The following UBR4 variants were observed in gnomAD, a reference collection of about 807,000 sequenced individuals.
UBR4 encodes E3 ubiquitin-protein ligase UBR4.
Under a neutral mutation model 575.6 loss-of-function variants are expected in UBR4, and 124 were observed. The observed-to-expected ratio is 0.22, with a 90% CI of 0.19 to 0.25. UBR4 has a LOEUF of 0.25. Ranked by LOEUF, UBR4 falls within the 10% of genes least tolerant of loss-of-function variation. The probability of loss-of-function intolerance (pLI) is 1.00; values close to 1 mark genes in which losing one functional copy is unlikely to be tolerated. For missense variants in UBR4, 4,818 were observed against 6,478.8 expected, an observed-to-expected ratio of 0.74 and a Z score of 8.80; for synonymous variants, 2,455 against 2,473.7, an observed-to-expected ratio of 0.99 and a Z score of 0.22.
Position 19,095,999 on chromosome 1 carries a change from G to A in UBR4, c.13519-347C>T, listed in dbSNP as rs961351986. ...AGTAAAGAAAATGATCCCAAAGCTC[G>A]TGGCCTGTGAGAGCTCAGAACCACA... On this transcript the variant is annotated intron_variant, in intron 92 of 105. Transcript: ENST00000375254. The A allele has an allele frequency of 6.0e-5, 15 of 250,124 alleles. No individual in the cohort carries two copies. The East Asian group carries it at 6.3e-4, about 11-fold the overall frequency. The allele number at this position is 250,124 out of a possible 1,614,324, so 15.5% of individuals were successfully genotyped here.
Position 19,186,582 on chromosome 1 carries a change from A to G in UBR4, c.1708T>C (p.Tyr570His). ...ASASTDSNTY[Y>H]EDDFSSTEED... ...TCCGTGCTACTGAAATCGTCCTCATAGTAAGTATTGGAGTCGGTGGAGGCG... is the reference window on the plus strand; with the variant it reads ...TCCGTGCTACTGAAATCGTCCTCATGGTAAGTATTGGAGTCGGTGGAGGCG... The change falls in exon 14 of 106, where the codon TAT becomes CAT. Residue 570 changes from tyrosine (Y) to histidine (H), a missense_variant. Physicochemically the swap from Tyr to His is moderately conservative, Grantham distance 83 (BLOSUM62 2). This residue lies in a region of UBR4 where 162 missense variants were observed against 216.4 expected (regional missense o/e 0.75). Transcript: ENST00000375254. 1.2e-6 allele frequency: 2 copies of G among 1,614,058 alleles called. No individual in the cohort carries two copies. The highest frequency in any genetic ancestry group is 2.2e-5 in the South Asian group (2 of 91,076).
rs2088077419 is a variant in UBR4 at position 19,164,990 on chromosome 1, C to A, written c.4320G>T (p.Lys1440Asn). The A allele has an allele frequency of 6.2e-7, 1 of 1,613,724 alleles. No homozygotes were observed. The highest frequency in any genetic ancestry group is 1.3e-5 in the African/African-American group (1 of 74,860). The change falls in exon 32 of 106, where the codon AAG becomes AAT. Residue 1440 changes from lysine to asparagine, a missense_variant. By Grantham distance (94) the Lys-to-Asn change is moderately conservative (BLOSUM62 0). Transcript: ENST00000375254. The part of the protein sequence containing the change: ...FFTKLFQLTE[K>N]SPNPSLLHLC... ...GATGCAACAGGCTCGGGTTAGGGCT[C>A]TTCTCAGCTAGGAGCAGAACAAGAG...
Position 19,165,313 on chromosome 1 carries a change from A to G in UBR4, c.4248T>C (p.Asn1416=), listed in dbSNP as rs540912713. ...TACAGAATTTAGCAGAGAGGTTCTCATTGGCTGTTGCCATCATGATCTGTA... is the reference window on the plus strand; with the variant it reads ...TACAGAATTTAGCAGAGAGGTTCTCGTTGGCTGTTGCCATCATGATCTGTA... ...ELVQIMMATA[N]ENLSAKFCNR... The change falls in exon 31 of 106, where the codon AAT becomes AAC. Residue 1416 remains asparagine (N), a synonymous_variant. Coordinates refer to ENST00000375254, the MANE Select transcript of UBR4 (RefSeq NM_020765.3). The G allele has an allele frequency of 1.9e-6, 3 of 1,614,216 alleles. No individual in the cohort carries two copies. In the African/African-American group the frequency reaches 4.0e-5, roughly 22 times the overall value.
intron 1 of UBR4, among the ~76,000 whole-genome samples, chr1:19,204,629 C>T (rs1252048645): frequency 6.6e-6 from 1 of 151,938 alleles, no homozygotes; most frequent in Admixed American, 6.6e-5. Flanking sequence ...CCTAGAAATA[C>T]GTAACATCCT....
Position 19,119,894 on chromosome 1 carries a change from T to C in UBR4, c.10311-193A>G, listed in dbSNP as rs2296104. Among the ~76,000 whole-genome samples the C allele has an allele frequency of 0.67, 102,273 of 152,088 alleles. 35,255 individuals carry two copies. Among genetic ancestry groups the C allele is most frequent in the East Asian group, 0.81 (4,197 of 5,184 alleles). ...CTGCCTCTACCCATCACCCAACATA[T>C]CCCAGAGCAGAAGCTGAGCTTTTTT... On this transcript the variant is annotated intron_variant, in intron 69 of 105. Coordinates refer to ENST00000375254, the MANE Select transcript of UBR4 (RefSeq NM_020765.3).
chr1:19,194,604 C>A (rs2092335125), intron 8 of UBR4, among the ~76,000 whole-genome samples: 1 of 151,874 alleles, frequency 6.6e-6, no homozygotes, highest in Non-Finnish European at 1.5e-5. Context: ...GAGTCTGAGA[C>A]CAGCCTCGCC....
rs140628130 is a variant in UBR4, at chr1:19,186,581, T to A, written c.1709A>T (p.Tyr570Phe). The change falls in exon 14 of 106, where the codon TAT becomes TTT. Residue 570 changes from tyrosine to phenylalanine, a missense_variant. Transcript: ENST00000375254. ...ASASTDSNTY[Y>F]EDDFSSTEED... ...CTCCGTGCTACTGAAATCGTCCTCA[T>A]AGTAAGTATTGGAGTCGGTGGAGGC... 5.8e-5 allele frequency: 94 copies of A among 1,613,972 alleles called. No individual in the cohort carries two copies. Among genetic ancestry groups the A allele is most frequent in the Non-Finnish European group, 7.7e-5 (91 of 1,179,994 alleles).
intron 42 of UBR4, 48 bp downstream of exon 42, chr1:19,156,223 A>G (rs780906625): frequency 1.8e-5 from 28 of 1,598,982 alleles, no homozygotes; most frequent in Admixed American, 1.4e-4. Flanking sequence ...TCTGGATTTA[A>G]AAGTAGAAAA....
At chr1:19,147,161 A>G (rs987154536) in intron 51 of UBR4, among the ~76,000 whole-genome samples, 161 bp from the exon 52 acceptor site, 2 of 152,236 alleles carry the variant, frequency 1.3e-5, no homozygotes, top group Admixed American at 1.3e-4. Flanking sequence ...AAGCAGCCTC[A>G]TATAGTTAAG....
chr1:19,100,129 CA>C lies in UBR4; in HGVS notation c.13221+246del. 4 of 535,686 alleles carry C rather than the reference CA, an allele frequency of 7.5e-6. No homozygotes were observed. The highest frequency in any genetic ancestry group is 9.9e-6 in the Non-Finnish European group (3 of 303,352). 33.2% of individuals were successfully genotyped at this position (535,686 alleles called of 1,614,324 possible). A position where few individuals can be genotyped will look rare whatever the true frequency, so the allele number is the denominator to read the frequency against. On this transcript the variant is annotated intron_variant, in intron 89 of 105. Coordinates refer to ENST00000375254, the MANE Select transcript of UBR4 (RefSeq NM_020765.3). The surrounding 1 kb of genome is among the most constrained non-coding windows in gnomAD (Gnocchi z 4.2). Reference sequence around the variant, plus strand: ...CGATAATAAATACCCACCACCACTACAACCAACAGCCATTAACAATATGCTT... The same window carrying C: ...CGATAATAAATACCCACCACCACTACACCAACAGCCATTAACAATATGCTT...
intron 27 of UBR4, 81 bp downstream of exon 27, chr1:19,169,354 G>C: frequency 3.2e-6 from 4 of 1,240,458 alleles, no homozygotes; most frequent in Non-Finnish European, 4.5e-6. Context: ...GCTAGTTTAA[G>C]CCTAATTCCT....
intron 81 of UBR4, among the ~76,000 whole-genome samples, chr1:19,108,176 A>G (rs2079436025): frequency 6.6e-6 from 1 of 152,190 alleles, no homozygotes; most frequent in Admixed American, 6.5e-5. Context: ...TAGCTGTAGT[A>G]TGGACTCTGA....
In UBR4 at chr1:19,089,107, C is replaced by T. The variant is rs1285291162; in HGVS notation, c.14212-130G>A. On this transcript the variant is annotated intron_variant, in intron 97 of 105. Coordinates refer to ENST00000375254, the MANE Select transcript of UBR4 (RefSeq NM_020765.3). This position sits in a 1 kb window ranked among gnomAD's most constrained non-coding sequence, Gnocchi z 4.3. ...GTCACCTGCTCAGCTGCAATCAGGT[C>T]CTTTGATTCCACACTTTGACAGACA... The T allele has an allele frequency of 4.5e-6, 4 of 881,384 alleles. No individual in the cohort carries two copies. The highest frequency in any genetic ancestry group is 3.5e-6 in the Non-Finnish European group (2 of 576,798). 54.6% of individuals were successfully genotyped at this position (881,384 alleles called of 1,614,324 possible).
chr1:19,104,533 G>A, intron 86 of UBR4, 52 bp downstream of exon 86: 1 of 1,587,860 alleles, frequency 6.3e-7, no homozygotes, highest in Non-Finnish European at 8.6e-7. Context: ...ACTAAGGGTT[G>A]TCCCTAAACA....
rs530923478 is a variant in UBR4, at chr1:19,192,299, G to A, written c.1283C>T (p.Ala428Val). ...LFLILNLSPT[A>V]LADKGKEKDP... ...CTTCTCTTTCCCCTTATCAGCCAAC[G>A]CAGTAGGACTGAGGTTCAGTATGAG... The change falls in exon 11 of 106, where the codon GCG becomes GTG. Residue 428 changes from alanine to valine, a missense_variant. Ala to Val is a moderately conservative substitution (Grantham distance 64). This residue lies in a region of UBR4 where 162 missense variants were observed against 216.4 expected (regional missense o/e 0.75). Coordinates refer to ENST00000375254, the MANE Select transcript of UBR4 (RefSeq NM_020765.3). 1.7e-5 allele frequency: 27 copies of A among 1,614,086 alleles called. No individual in the cohort carries two copies. The African/African-American group carries it at 2.4e-4, about 14-fold the overall frequency.
intron 12 of UBR4, 43 bp downstream of exon 12, chr1:19,187,398 C>T: frequency 1.2e-6 from 2 of 1,611,842 alleles, no homozygotes. Context: ...AGAAGTGGAT[C>T]CCGCAATCAA....
chr1:19,129,583 C>T (rs950913360), intron 60 of UBR4, among the ~76,000 whole-genome samples: 1 of 152,208 alleles, frequency 6.6e-6, no homozygotes, highest in African/African-American at 2.4e-5. Flanking sequence ...CTCTCTCACA[C>T]CTTGTCCACC....
In UBR4 at chr1:19,163,780, T is replaced by G; in HGVS notation, c.4748A>C (p.Asn1583Thr). The G allele has an allele frequency of 6.2e-7, 1 of 1,614,156 alleles. No individual in the cohort carries two copies. Among genetic ancestry groups the G allele is most frequent in the Non-Finnish European group, 8.5e-7 (1 of 1,180,014 alleles). ...TTTTCTTACCTTTCCATGCATTACA[T>G]TGGCATTCAGTTTTTCAACTACATT... ...QKNVVEKLNA[N>T]VMHGKHVMIL... Residue 1583 changes from asparagine (N) to threonine (T), a missense_variant, in exon 34 of 106, where the codon AAT (asparagine) becomes ACT (threonine). Asn to Thr is a moderately conservative substitution (Grantham distance 65). Around this residue, in one of 29 missense-constraint regions of UBR4, gnomAD observed 1,172 missense variants for 1,259.7 expected, o/e 0.93. Transcript: ENST00000375254.
chr1:19,133,994 G>A (rs1456301577), intron 60 of UBR4, among the ~76,000 whole-genome samples: 1 of 145,392 alleles, frequency 6.9e-6, no homozygotes, highest in Non-Finnish European at 1.5e-5. Flanking sequence ...GCTGAGGCTT[G>A]AGAATTGCTT....
Sources: gnomAD v4.1 joint callset for allele counts (sites outside exome capture counted in the v4.1 genomes callset) on GRCh38, gnomAD v4.1.1 for gene constraint, gnomAD v4.1.1 regional missense constraint, Gnocchi (gnomAD v3.1) non-coding constraint, MANE v1.5 for transcripts, NCBI Gene and HGNC (gene_info 2026-07-23, HGNC 2026-07-21) for gene names.